TMEM117: variants seen among roughly 807,000 people sequenced by gnomAD.
The protein encoded by TMEM117 is transmembrane protein 117.
A neutral mutation model predicts 52.4 loss-of-function variants in TMEM117; 27 were observed. That is an observed-to-expected ratio of 0.51 (90% CI 0.38 to 0.71). The LOEUF (loss-of-function observed/expected upper bound fraction) is 0.71, where lower values mean the gene tolerates loss of function less well. TMEM117 is among the 30% of genes least tolerant of loss of function. The pLI is 0.00. For synonymous variants in TMEM117, 215 were observed against 206.3 expected, an observed-to-expected ratio of 1.04 and a Z score of -0.36; for missense variants, 556 against 630.5, an observed-to-expected ratio of 0.88 and a Z score of 1.26.
intron 3 of TMEM117, among the ~76,000 whole-genome samples, chr12:44,088,537 C>A (rs1947611206): frequency 6.6e-6 from 1 of 152,194 alleles, no homozygotes; most frequent in Non-Finnish European, 1.5e-5. Context: ...TCTATCACAG[C>A]CTCTGGCGCA....
At chr12:44,275,650 A>G (rs1017326270) in intron 5 of TMEM117, among the ~76,000 whole-genome samples, 1 of 152,142 alleles carries the variant, frequency 6.6e-6, no homozygotes, top group African/African-American at 2.4e-5. Context: ...TTGCAATGAC[A>G]TGGATGGAAC....
chr12:43,994,081 T>A (rs1158251669), intron 3 of TMEM117, among the ~76,000 whole-genome samples: 1 of 152,184 alleles, frequency 6.6e-6, no homozygotes, highest in East Asian at 1.9e-4. Flanking sequence ...TTCTTAATCC[T>A]GCTAAGTCAG....
intron 1 of TMEM117, among the ~76,000 whole-genome samples, chr12:43,840,861 C>G (rs1360943309): frequency 6.6e-6 from 1 of 152,144 alleles, no homozygotes; most frequent in African/African-American, 2.4e-5. Context: ...TTTGAACAGC[C>G]TCAAGCCTGC....
At chr12:43,877,078 T>C (rs962597953) in intron 2 of TMEM117, among the ~76,000 whole-genome samples, 2 of 152,212 alleles carry the variant, frequency 1.3e-5, no homozygotes, top group African/African-American at 2.4e-5. Context: ...TGGGGTGTTT[T>C]CTATTTTCCT....
At chr12:44,181,071 T>A (rs1048259712) in intron 4 of TMEM117, among the ~76,000 whole-genome samples, 7 of 152,312 alleles carry the variant, frequency 4.6e-5, no homozygotes, top group South Asian at 2.1e-4. Context: ...GGTATCTCAT[T>A]GTGGTTTTGA....
At chr12:44,390,020 A>G (rs1470244751), downstream of TMEM117, among the ~76,000 whole-genome samples, 1 of 152,002 alleles carries the variant, frequency 6.6e-6, no homozygotes, top group Non-Finnish European at 1.5e-5. Context: ...GTTTTGATCT[A>G]TCTACTTTTA....
chr12:44,136,901 G>A (rs1359319366), intron 3 of TMEM117, among the ~76,000 whole-genome samples: 2 of 151,880 alleles, frequency 1.3e-5, no homozygotes, highest in Non-Finnish European at 2.9e-5. Flanking sequence ...ATAATTACAT[G>A]GCACACAATT....
intron 3 of TMEM117, among the ~76,000 whole-genome samples, chr12:44,098,879 G>A (rs1947817709): frequency 6.6e-6 from 1 of 152,042 alleles, no homozygotes; most frequent in Admixed American, 6.6e-5. Context: ...ATCTTTTCTT[G>A]TTTCCTTATA....
the TMEM117 span, among the ~76,000 whole-genome samples, chr12:43,816,269 T>G: frequency 6.6e-6 from 1 of 152,190 alleles, no homozygotes; most frequent in Non-Finnish European, 1.5e-5. Flanking sequence ...ACTTCATTTC[T>G]TTCCACACCA....
intron 3 of TMEM117, among the ~76,000 whole-genome samples, chr12:44,104,265 G>C (rs1565829131): frequency 6.6e-6 from 1 of 151,762 alleles, no homozygotes; most frequent in Non-Finnish European, 1.5e-5. Flanking sequence ...ATAGCTTTGG[G>C]TTTCCTCCCT....
At chr12:43,817,666 G>C in the TMEM117 span, among the ~76,000 whole-genome samples, 1 of 152,110 alleles carries the variant, frequency 6.6e-6, no homozygotes, top group African/African-American at 2.4e-5. Flanking sequence ...AGTCATCCTA[G>C]AGTATTTCTG....
At position 43,985,668 on chromosome 12, in the gene TMEM117, G is replaced by A. The variant is rs916131618; in HGVS notation, c.410+41326G>A. ...TCAGCTTATAATTAGTGTCAGATAT[G>A]TTAATAAAAACTAATCAAGATGTTG... On this transcript the variant is annotated intron_variant, in intron 3 of 7. Transcript: ENST00000266534. Among the ~76,000 whole-genome samples, 5 of 152,314 alleles carry A rather than the reference G, an allele frequency of 3.3e-5. No individual in the cohort carries two copies. In the East Asian group the frequency reaches 5.8e-4, roughly 18 times the overall value.
chr12:43,946,379 T>G (rs1016100661), intron 3 of TMEM117, among the ~76,000 whole-genome samples: 4 of 9,316 alleles, frequency 4.3e-4, no homozygotes, highest in African/African-American at 5.6e-4. Flanking sequence ...TATAATTCTG[T>G]TTTTTTTTTT....
In TMEM117 at chr12:44,378,673, A is replaced by G. The variant is rs148370219; in HGVS notation, c.898+1949A>G. ...TTAATCTGGTTTGCCCGAAGGTGGT[A>G]ATGTATTGTAATTAAGGCTTTGGTG... On this transcript the variant is annotated intron_variant, in intron 7 of 7. Coordinates refer to ENST00000266534, the MANE Select transcript of TMEM117 (RefSeq NM_032256.3). Among the ~76,000 whole-genome samples, 95 of 152,298 alleles carry G rather than the reference A, an allele frequency of 6.2e-4. 2 individuals are homozygous for G. Among genetic ancestry groups the G allele is most frequent in the Non-Finnish European group, 7.4e-5 (5 of 68,014 alleles).
intron 5 of TMEM117, among the ~76,000 whole-genome samples, chr12:44,291,428 G>A (rs1950704606): frequency 7.9e-6 from 1 of 126,004 alleles, no homozygotes; most frequent in African/African-American, 3.1e-5. Context: ...CTGTATGTAA[G>A]ATCATGTTAT....
chr12:43,894,758 G>T (rs1944169209), intron 2 of TMEM117, among the ~76,000 whole-genome samples: 1 of 152,130 alleles, frequency 6.6e-6, no homozygotes, highest in Non-Finnish European at 1.5e-5. Context: ...GTATTCCATG[G>T]TGTGTATGTA....
chr12:44,149,551 C>A (rs751506427), intron 4 of TMEM117, among the ~76,000 whole-genome samples: 5 of 152,250 alleles, frequency 3.3e-5, no homozygotes, highest in South Asian at 4.1e-4. Flanking sequence ...ATGCTTATTG[C>A]ACACTTATTT....
chr12:43,947,003 A>T (rs369518044), intron 3 of TMEM117, among the ~76,000 whole-genome samples: 1 of 152,184 alleles, frequency 6.6e-6, no homozygotes, highest in African/African-American at 2.4e-5. Context: ...TTTTAGAAAA[A>T]TTCAAAGCAA....
At chr12:44,202,930 A>C (rs1949515801) in intron 4 of TMEM117, among the ~76,000 whole-genome samples, 1 of 152,030 alleles carries the variant, frequency 6.6e-6, no homozygotes. Flanking sequence ...CTGGGATTGC[A>C]GGTGTGTACC....
Sources: allele counts gnomAD v4.1 joint callset (sites outside exome capture counted in the v4.1 genomes callset), GRCh38; gene constraint gnomAD v4.1.1; transcripts MANE v1.5; gene names NCBI Gene and HGNC (gene_info 2026-07-23, HGNC 2026-07-21).